Variants in TPTE observed in about 807,000 individuals in gnomAD.
TPTE encodes putative tyrosine-protein phosphatase TPTE.
A neutral mutation model predicts 84.1 loss-of-function variants in TPTE; 59 were observed. That is an observed-to-expected ratio of 0.70 (90% CI 0.57 to 0.87). TPTE has a LOEUF of 0.87. Among genes scored for constraint, TPTE ranks in the 40% least tolerant of loss-of-function variants. The pLI is 0.00. For synonymous variants in TPTE, 130 were observed against 223.5 expected, an observed-to-expected ratio of 0.58 and a Z score of 3.73; for missense variants, 382 against 659.6, an observed-to-expected ratio of 0.58 and a Z score of 4.61.
intron 3 of TPTE, among the ~76,000 whole-genome samples, chr21:10,538,292 A>T (rs1434386800): frequency 9.2e-5 from 14 of 152,308 alleles, no homozygotes; most frequent in African/African-American, 3.4e-4. Flanking sequence ...GTACTTGTGG[A>T]CCAACAGAGA....
chr21:10,541,843 A>C (rs1293267086), intron 5 of TPTE, among the ~76,000 whole-genome samples: 1 of 152,424 alleles, frequency 6.6e-6, no homozygotes, highest in East Asian at 1.9e-4. Flanking sequence ...TGAAGCCTTC[A>C]GCAGAAAGCA....
At chr21:10,531,312 A>G (rs1363774371) in intron 3 of TPTE, among the ~76,000 whole-genome samples, 10 of 152,418 alleles carry the variant, frequency 6.6e-5, no homozygotes, top group Non-Finnish European at 1.0e-4. Context: ...TACTCACTCT[A>G]TTAGTTCTTG....
At chr21:10,555,104 T>TAA (rs1271337463) in intron 8 of TPTE, among the ~76,000 whole-genome samples, 1 of 152,308 alleles carries the variant, frequency 6.6e-6, no homozygotes, top group Admixed American at 6.5e-5. Context: ...CTTCTATTGA[T>TAA]AAAAAATGAG....
At chr21:10,564,437 G>T (rs1367724492) in intron 10 of TPTE, among the ~76,000 whole-genome samples, 1 of 152,310 alleles carries the variant, frequency 6.6e-6, no homozygotes, top group Non-Finnish European at 1.5e-5. Flanking sequence ...TTGAACCTGG[G>T]AGGCAGAGGT....
intron 17 of TPTE, among the ~76,000 whole-genome samples, chr21:10,584,230 T>G (rs113311312): frequency 0.086 from 11,928 of 138,358 alleles, no homozygotes; most frequent in African/African-American, 0.26. Context: ...TTTGTGGTTA[T>G]TTAAATGATA....
At chr21:10,585,241 C>CAAAAAAAAAAAAAAAA (rs61644136) in intron 17 of TPTE, among the ~76,000 whole-genome samples, 1 of 144,196 alleles carries the variant, frequency 6.9e-6, no homozygotes. Context: ...AAAAATGAAA[C>CAAAAAAAAAAAAAAAA]AAAAAAAAAA....
chr21:10,562,049 C>G (rs1329593775), intron 10 of TPTE, among the ~76,000 whole-genome samples: 1 of 152,246 alleles, frequency 6.6e-6, no homozygotes, highest in Non-Finnish European at 1.5e-5. Flanking sequence ...GAGAGAGACT[C>G]TGTTTGTTTG....
At chr21:10,552,015 T>C (rs1161200503) in intron 7 of TPTE, among the ~76,000 whole-genome samples, 1 of 152,308 alleles carries the variant, frequency 6.6e-6, no homozygotes, top group Non-Finnish European at 1.5e-5. Context: ...ATTGTTGTCC[T>C]ATTTTAAGAA....
At chr21:10,550,707 CAAAG>C (rs2074556723) in intron 7 of TPTE, among the ~76,000 whole-genome samples, 1 of 152,300 alleles carries the variant, frequency 6.6e-6, no homozygotes. Context: ...AGAAAATCAA[CAAAG>C]AAACATCAGA....
intron 4 of TPTE, among the ~76,000 whole-genome samples, chr21:10,539,028 T>C (rs1428155140): frequency 2.0e-5 from 3 of 152,308 alleles, no homozygotes; most frequent in Non-Finnish European, 2.9e-5. Flanking sequence ...GTAACATTGC[T>C]TCCTTTTCTA....
At chr21:10,582,180 C>A (rs2075283568) in intron 17 of TPTE, among the ~76,000 whole-genome samples, 1 of 152,308 alleles carries the variant, frequency 6.6e-6, no homozygotes, top group Non-Finnish European at 1.5e-5. Context: ...ATTCAAGTTC[C>A]ATTTTCAATA....
intron 3 of TPTE, among the ~76,000 whole-genome samples, chr21:10,530,301 G>A (rs2074154668): frequency 6.6e-6 from 1 of 152,304 alleles, no homozygotes; most frequent in Admixed American, 6.5e-5. Context: ...CTAGATGAGA[G>A]TACAGATATA....
intron 21 of TPTE, among the ~76,000 whole-genome samples, chr21:10,600,349 G>A (rs1268764002): frequency 3.9e-5 from 6 of 152,302 alleles, no homozygotes; most frequent in Admixed American, 3.9e-4. Flanking sequence ...GTGTTGGTCA[G>A]GCTGGTCTCA....
At chr21:10,540,198 G>T (rs1370085073) in intron 4 of TPTE, among the ~76,000 whole-genome samples, 1 of 152,310 alleles carries the variant, frequency 6.6e-6, no homozygotes, top group Non-Finnish European at 1.5e-5. Context: ...TGCACCATGT[G>T]ATACCAAGGA....
intron 10 of TPTE, among the ~76,000 whole-genome samples, chr21:10,565,554 T>C (rs953142106): frequency 6.6e-6 from 1 of 152,312 alleles, no homozygotes; most frequent in African/African-American, 2.4e-5. Context: ...GCCAAAGCTA[T>C]TCTAAGCAAA....
intron 10 of TPTE, among the ~76,000 whole-genome samples, chr21:10,564,122 C>G (rs1394704247): frequency 6.6e-6 from 1 of 152,306 alleles, no homozygotes; most frequent in Non-Finnish European, 1.5e-5. Flanking sequence ...CCACTGCACT[C>G]CAGTCTGGTG....
chr21:10,575,939 G>C (rs1186574555), intron 14 of TPTE, among the ~76,000 whole-genome samples: 1 of 152,424 alleles, frequency 6.6e-6, no homozygotes, highest in Non-Finnish European at 1.5e-5. Flanking sequence ...AAAATAACAT[G>C]CTGGGAAGGT....
At position 10,541,193 on chromosome 21, in the gene TPTE, C is replaced by T. The variant is rs572550712; in HGVS notation, c.65+28C>T. 9.3e-6 allele frequency: 15 copies of T among 1,611,574 alleles called. No individual in the cohort carries two copies. The South Asian group carries it at 1.3e-4, about 14-fold the overall frequency. ...GAGTTATAAAAGATGTACACATGAC[C>T]AGGTGCAATGGTTCACACCTGTAAT... On this transcript the variant is annotated intron_variant, in intron 5 of 23. Transcript: ENST00000618007.
intron 20 of TPTE, among the ~76,000 whole-genome samples, chr21:10,597,695 A>G (rs2075614377): frequency 6.6e-6 from 1 of 152,312 alleles, no homozygotes; most frequent in Non-Finnish European, 1.5e-5. Context: ...GATTACAGGT[A>G]TGAGCCACCA....
Sources: allele counts gnomAD v4.1 joint callset (sites outside exome capture counted in the v4.1 genomes callset), GRCh38; gene constraint gnomAD v4.1.1; transcripts MANE v1.5; gene names NCBI Gene and HGNC (gene_info 2026-07-23, HGNC 2026-07-21).